The following CCDC63 variants were observed in gnomAD, a reference collection of about 807,000 sequenced individuals.
CCDC63 encodes the protein coiled-coil domain containing 63, also known as coiled-coil domain-containing protein 63.
A neutral mutation model predicts 63.6 loss-of-function variants in CCDC63; 54 were observed. The observed-to-expected ratio is 0.85, with a 90% CI of 0.68 to 1.07. The LOEUF (loss-of-function observed/expected upper bound fraction) is 1.07. Among genes scored for constraint, CCDC63 ranks in the 50% least tolerant of loss-of-function variants. The pLI is 0.00. For missense variants in CCDC63, 637 were observed against 689.6 expected (o/e 0.92, Z 0.86); for synonymous variants, 253 against 266.1 (o/e 0.95, Z 0.48).
Position 110,889,606 on chromosome 12 carries a change from G to A in CCDC63, c.1075-3470G>A, listed in dbSNP as rs1296406351. 6.6e-6 allele frequency among the ~76,000 whole-genome samples: 1 copy of A among 152,048 alleles called. No individual in the cohort carries two copies. Among genetic ancestry groups the A allele is most frequent in the Non-Finnish European group, 1.5e-5 (1 of 68,008 alleles). Reference sequence around the variant, plus strand: ...ACAGAGAGAGACATGGGAGGGAGAGGGGATGAATCTGGGAGGTGAGGGCTG... The same window carrying A: ...ACAGAGAGAGACATGGGAGGGAGAGAGGATGAATCTGGGAGGTGAGGGCTG... On this transcript the variant is annotated intron_variant, in intron 8 of 11. Coordinates refer to ENST00000308208, the MANE Select transcript of CCDC63 (RefSeq NM_152591.3). The surrounding 1 kb of genome is among the most constrained non-coding windows in gnomAD (Gnocchi z 4.1).
At chr12:110,878,940 G>A (rs2071165973) in intron 5 of CCDC63, among the ~76,000 whole-genome samples, 1 of 152,000 alleles carries the variant, frequency 6.6e-6, no homozygotes, top group African/African-American at 2.4e-5. Flanking sequence ...GAAAGTAGAG[G>A]GAATAAAATA....
chr12:110,901,891 C>T (rs949293013), intron 10 of CCDC63, among the ~76,000 whole-genome samples: 1 of 152,006 alleles, frequency 6.6e-6, no homozygotes, highest in South Asian at 2.1e-4. Context: ...AGTGCAATGG[C>T]ATGATCTCAG....
intron 4 of CCDC63, among the ~76,000 whole-genome samples, chr12:110,867,498 C>T (rs1385686651): frequency 3.7e-5 from 4 of 108,670 alleles, no homozygotes; most frequent in East Asian, 2.8e-4. Context: ...CCCTCACCTC[C>T]GGGATGGGGC....
chr12:110,869,509 TG>T (rs1462322469), intron 4 of CCDC63, among the ~76,000 whole-genome samples: 5 of 152,184 alleles, frequency 3.3e-5, no homozygotes, highest in Non-Finnish European at 5.9e-5. Context: ...TAAGGCCTTC[TG>T]GGACTTAGCA....
In CCDC63 at chr12:110,873,872, C is replaced by G. The variant is rs746630760; in HGVS notation, c.400C>G (p.Gln134Glu). The G allele has an allele frequency of 3.7e-6, 6 of 1,612,636 alleles. No individual in the cohort carries two copies. Among genetic ancestry groups the G allele is most frequent in the Non-Finnish European group, 4.2e-6 (5 of 1,179,652 alleles). Residue 134 changes from glutamine (Q) to glutamate (E), a missense_variant, in exon 5 of 12, where the codon CAA becomes GAA. Transcript: ENST00000308208. The part of the protein sequence containing the change: ...ILQMEKKIAN[Q>E]KQIFAKMQEA... ...TCAGATGGAAAAAAAAATCGCAAAC[C>G]AAAAACAGATTTTCGCAAAAATGCA...
At chr12:110,891,801 C>T (rs2071360534) in intron 8 of CCDC63, among the ~76,000 whole-genome samples, 1 of 152,122 alleles carries the variant, frequency 6.6e-6, no homozygotes, top group African/African-American at 2.4e-5. Flanking sequence ...CATTAACTGA[C>T]CCCCTATCAG....
chr12:110,885,604 C>A (rs10849913), intron 8 of CCDC63, among the ~76,000 whole-genome samples: 1 of 151,762 alleles, frequency 6.6e-6, no homozygotes, highest in Admixed American at 6.6e-5. Flanking sequence ...CCCTCCGCCA[C>A]TGCCTTCCCG....
chr12:110,868,589 C>T (rs1365118560), intron 4 of CCDC63, among the ~76,000 whole-genome samples: 6 of 151,690 alleles, frequency 4.0e-5, no homozygotes, highest in Middle Eastern at 3.2e-3. Context: ...GGTGTGGCGG[C>T]GCGTGCCTGC....
chr12:110,871,628 G>A lies in CCDC63; in HGVS notation c.370-2214G>A, dbSNP rs115577299. Among the ~76,000 whole-genome samples the A allele has an allele frequency of 1.3e-3, 189 of 149,670 alleles. 1 individual carries two copies. The highest frequency in any genetic ancestry group is 4.4e-3 in the African/African-American group (178 of 40,678). On this transcript the variant is annotated intron_variant, in intron 4 of 11. Transcript: ENST00000308208. ...GAGCAAGACTGGAGTGCAGTGGTGC[G>A]ATCTCCTTCCACTGAGTTGTTAATT...
rs1278408002 is a variant in CCDC63, at chr12:110,873,975, T to C, written c.489+14T>C. The stretch of plus-strand genomic sequence containing the variant: ...CGTTTGAATCTCGTATGTAAAGTGT[T>C]CTCTGCAGCTCTGCAAACAGCTCTG... On this transcript the variant is annotated intron_variant, in intron 5 of 11. Transcript: ENST00000308208. 2 of 1,602,552 alleles carry C rather than the reference T, an allele frequency of 1.2e-6. No homozygotes were observed. Among genetic ancestry groups the C allele is most frequent in the Middle Eastern group, 1.7e-4 (1 of 6,020 alleles).
At chr12:110,883,620 G>T (rs2071237897) in intron 7 of CCDC63, among the ~76,000 whole-genome samples, 1 of 151,884 alleles carries the variant, frequency 6.6e-6, no homozygotes, top group Non-Finnish European at 1.5e-5. Context: ...TTGTTTGTTT[G>T]TTTGTTTTTT....
At chr12:110,868,964 C>T (rs1024309472) in intron 4 of CCDC63, among the ~76,000 whole-genome samples, 39 of 152,168 alleles carry the variant, frequency 2.6e-4, no homozygotes, top group African/African-American at 9.2e-4. Flanking sequence ...TTGTATGCCA[C>T]CCTCCTGCCC....
At chr12:110,856,718 C>T (rs2070776274) in intron 3 of CCDC63, among the ~76,000 whole-genome samples, 1 of 152,160 alleles carries the variant, frequency 6.6e-6, no homozygotes, top group Non-Finnish European at 1.5e-5. Context: ...GATCTACAAA[C>T]TACAGCCAAA....
intron 4 of CCDC63, among the ~76,000 whole-genome samples, chr12:110,872,231 C>G (rs187113500): frequency 6.6e-6 from 1 of 152,134 alleles, no homozygotes; most frequent in Admixed American, 6.5e-5. Context: ...AGCTTGAGGG[C>G]AGCCATAGAC....
chr12:110,879,459 C>G (rs1167475039), intron 5 of CCDC63, among the ~76,000 whole-genome samples: 1 of 152,166 alleles, frequency 6.6e-6, no homozygotes, highest in Non-Finnish European at 1.5e-5. Context: ...CCCAAAATGC[C>G]AGTAGTGCTG....
intron 6 of CCDC63, among the ~76,000 whole-genome samples, chr12:110,880,371 G>T (rs61940991): frequency 0.011 from 1,608 of 152,296 alleles, 12 homozygotes; most frequent in Non-Finnish European, 0.014. Flanking sequence ...ATCCAGGTAA[G>T]TGGTGATTGT....
chr12:110,883,364 G>A (rs545551923), intron 7 of CCDC63, among the ~76,000 whole-genome samples: 4 of 152,154 alleles, frequency 2.6e-5, no homozygotes, highest in Admixed American at 2.6e-4. Flanking sequence ...GTAGAGGTGG[G>A]GTCTTGCTAT....
At chr12:110,892,416 A>C (rs1247625324) in intron 8 of CCDC63, among the ~76,000 whole-genome samples, 1 of 152,070 alleles carries the variant, frequency 6.6e-6, no homozygotes, top group Non-Finnish European at 1.5e-5. Context: ...CATCTCTATA[A>C]AAATAAAAAA....
Position 110,906,032 on chromosome 12 carries a change from TA to T in CCDC63, c.1546+1243del, listed in dbSNP as rs1364086154. 1.7e-3 allele frequency among the ~76,000 whole-genome samples: 130 copies of T among 74,372 alleles called. 1 individual carries two copies. Among genetic ancestry groups the T allele is most frequent in the Non-Finnish European group, 2.9e-3 (120 of 41,834 alleles). The allele number at this position is 74,372 out of a possible 152,430, so 48.8% of individuals were successfully genotyped here. A position where few individuals can be genotyped will look rare whatever the true frequency, so the allele number is the denominator to read the frequency against. On this transcript the variant is annotated intron_variant, in intron 11 of 11. Transcript: ENST00000308208. ...ATAATATAATATATATTATATATTA[TA>T]ATAATATAATATATAATATATATAT...
Sources: gnomAD v4.1 joint callset for allele counts (sites outside exome capture counted in the v4.1 genomes callset) on GRCh38, gnomAD v4.1.1 for gene constraint, Gnocchi (gnomAD v3.1) non-coding constraint, MANE v1.5 for transcripts, NCBI Gene and HGNC (gene_info 2026-07-23, HGNC 2026-07-21) for gene names.